Variants in MRPS35 observed in about 807,000 individuals in gnomAD.
MRPS35 encodes mitochondrial ribosomal protein S35, also known as small ribosomal subunit protein mS35.
MRPS35 carries 29 observed loss-of-function variants against 32.7 expected under a neutral mutation model. The observed-to-expected ratio is 0.89, with a 90% CI of 0.66 to 1.21. MRPS35 has a LOEUF of 1.21. Ranked by LOEUF, MRPS35 falls within the 50% of genes most tolerant of loss-of-function variation. MRPS35 has a pLI of 0.00. For missense variants in MRPS35, 373 were observed against 383.8 expected, an observed-to-expected ratio of 0.97 and a Z score of 0.23; for synonymous variants, 148 against 139.3, an observed-to-expected ratio of 1.06 and a Z score of -0.44.
intron 5 of MRPS35, among the ~76,000 whole-genome samples, chr12:27,724,911 T>C (rs2061893588): frequency 6.6e-6 from 1 of 152,180 alleles, no homozygotes; most frequent in South Asian, 2.1e-4. Flanking sequence ...TTCCCAATAA[T>C]ATTAAACATT....
At chr12:27,738,220 G>A (rs1397314004) in intron 7 of MRPS35, among the ~76,000 whole-genome samples, 4 of 152,074 alleles carry the variant, frequency 2.6e-5, no homozygotes. Context: ...CTAAACAGGA[G>A]ATTCATTTAT....
intron 1 of MRPS35, 75 bp downstream of exon 1, chr12:27,711,030 G>A: frequency 7.1e-7 from 1 of 1,413,858 alleles, no homozygotes; most frequent in Non-Finnish European, 9.7e-7. Flanking sequence ...GAAGGGTGCC[G>A]CGGTGGCTGA....
At chr12:27,738,433 G>C (rs545460575) in intron 7 of MRPS35, among the ~76,000 whole-genome samples, 14 of 152,194 alleles carry the variant, frequency 9.2e-5, no homozygotes, top group African/African-American at 3.4e-4. Context: ...TGCTAAACCT[G>C]TATTTAAATA....
chr12:27,739,528 C>T (rs1591800905), intron 7 of MRPS35, among the ~76,000 whole-genome samples: 1 of 152,198 alleles, frequency 6.6e-6, no homozygotes, highest in South Asian at 2.1e-4. Flanking sequence ...GTAAGCTCTT[C>T]TCTTCTTTAC....
chr12:27,739,002 A>G (rs891009160), intron 7 of MRPS35, among the ~76,000 whole-genome samples: 1 of 150,784 alleles, frequency 6.6e-6, no homozygotes, highest in African/African-American at 2.5e-5. Flanking sequence ...TCCGCCTCCC[A>G]GGCTCAAGTT....
chr12:27,735,416 A>AT, intron 5 of MRPS35, 31 bp from the exon 6 acceptor site: 2 of 1,478,652 alleles, frequency 1.4e-6, no homozygotes, highest in Non-Finnish European at 1.9e-6. Context: ...ATATGAAATT[A>AT]TTTTTTCAAA....
intron 4 of MRPS35, among the ~76,000 whole-genome samples, chr12:27,723,462 A>G (rs530401755): frequency 5.3e-4 from 81 of 152,316 alleles, no homozygotes; most frequent in Middle Eastern, 6.8e-3. Flanking sequence ...CCATTGGCAC[A>G]TAGAAGTCAC....
chr12:27,725,521 A>T, intron 5 of MRPS35: 1 of 172,356 alleles, frequency 5.8e-6, no homozygotes, highest in South Asian at 1.3e-4. Context: ...GAGAACTATG[A>T]GGTCAAAGGA....
chr12:27,728,814 C>A (rs569757724), intron 5 of MRPS35, among the ~76,000 whole-genome samples: 1 of 152,070 alleles, frequency 6.6e-6, no homozygotes, highest in East Asian at 1.9e-4. Context: ...ATGTCATTTA[C>A]CTTATTTCTT....
At chr12:27,739,812 A>G (rs1054525886) in intron 7 of MRPS35, among the ~76,000 whole-genome samples, 3 of 152,224 alleles carry the variant, frequency 2.0e-5, no homozygotes, top group African/African-American at 4.8e-5. Context: ...CCAGAAGGAA[A>G]TGATAGGCAT....
chr12:27,724,091 T>C lies in MRPS35; in HGVS notation c.427T>C (p.Cys143Arg), dbSNP rs1438580869. The C allele has an allele frequency of 1.9e-6, 3 of 1,612,714 alleles. No homozygotes were observed. Among genetic ancestry groups the C allele is most frequent in the South Asian group, 2.2e-5 (2 of 90,790 alleles). ...AGCCGCACTGGACAGTGACGAGAAA[T>C]GTGAGAAGCATTTTCCAATTGAAAT... The part of the protein sequence containing the change: ...WPAALDSDEK[C>R]EKHFPIEIDS... Residue 143 changes from cysteine to arginine, a missense_variant, in exon 5 of 8, where the codon TGT becomes CGT. Coordinates refer to ENST00000081029, the MANE Select transcript of MRPS35 (RefSeq NM_021821.4).
intron 3 of MRPS35, among the ~76,000 whole-genome samples, chr12:27,717,899 C>T (rs1215911437): frequency 6.6e-6 from 1 of 152,110 alleles, no homozygotes; most frequent in African/African-American, 2.4e-5. Flanking sequence ...AGAACTGTGC[C>T]TATGTAAGTC....
At chr12:27,721,587 T>C (rs749750236) in intron 4 of MRPS35, among the ~76,000 whole-genome samples, 3 of 152,184 alleles carry the variant, frequency 2.0e-5, no homozygotes, top group Middle Eastern at 3.4e-3. Context: ...ACCCAGGAGA[T>C]TGAGGCGGCA....
At chr12:27,734,057 T>A (rs1482374566) in intron 5 of MRPS35, among the ~76,000 whole-genome samples, 1 of 152,192 alleles carries the variant, frequency 6.6e-6, no homozygotes, top group African/African-American at 2.4e-5. Flanking sequence ...TATACTGTGA[T>A]GTCTTGAGGG....
chr12:27,729,172 G>A (rs2061911724), intron 5 of MRPS35, among the ~76,000 whole-genome samples: 1 of 152,028 alleles, frequency 6.6e-6, no homozygotes, highest in African/African-American at 2.4e-5. Flanking sequence ...GTGTCCTTTT[G>A]TTACAATCCT....
At chr12:27,727,046 C>T (rs572163590) in intron 5 of MRPS35, among the ~76,000 whole-genome samples, 7 of 151,052 alleles carry the variant, frequency 4.6e-5, no homozygotes, top group Non-Finnish European at 7.4e-5. Flanking sequence ...CTGCAAGCTC[C>T]GCCTCCTGGG....
chr12:27,720,041 A>G (rs1374977011), intron 4 of MRPS35, among the ~76,000 whole-genome samples, 173 bp downstream of exon 4: 3 of 152,236 alleles, frequency 2.0e-5, no homozygotes, highest in Non-Finnish European at 4.4e-5. Flanking sequence ...AATAATAATT[A>G]GAAACCATGA....
intron 4 of MRPS35, among the ~76,000 whole-genome samples, chr12:27,722,840 A>C (rs1239792502): frequency 6.6e-6 from 1 of 152,232 alleles, no homozygotes; most frequent in Non-Finnish European, 1.5e-5. Flanking sequence ...GAGTCTTTGT[A>C]ATCCAGAGTG....
At chr12:27,747,643 G>A (rs1217103480) in intron 7 of MRPS35, among the ~76,000 whole-genome samples, 8 of 152,040 alleles carry the variant, frequency 5.3e-5, no homozygotes, top group Admixed American at 5.2e-4. Context: ...CATGAGTAGT[G>A]GAATATTACT....
Sources: gnomAD v4.1 joint callset for allele counts (sites outside exome capture counted in the v4.1 genomes callset) on GRCh38, gnomAD v4.1.1 for gene constraint, MANE v1.5 for transcripts, NCBI Gene and HGNC (gene_info 2026-07-23, HGNC 2026-07-21) for gene names.